GFI1B: variants seen among roughly 807,000 people sequenced by gnomAD.
GFI1B encodes the protein growth factor independent 1B transcriptional repressor.
GFI1B carries 20 observed loss-of-function variants against 35.3 expected under a neutral mutation model. That is an observed-to-expected ratio of 0.57 (90% CI 0.40 to 0.82). The LOEUF (loss-of-function observed/expected upper bound fraction) is 0.82, where lower values mean the gene tolerates loss of function less well. Ranked by LOEUF, GFI1B falls within the 40% of genes least tolerant of loss-of-function variation. The pLI is 0.00. For synonymous variants in GFI1B, 178 were observed against 177.6 expected (o/e 1.00, Z -0.02); for missense variants, 430 against 446.3 (o/e 0.96, Z 0.33).
rs145131246 is a variant in GFI1B, at chr9:132,962,067, TAC to T, written c.-700-10634_-700-10633del. Among the ~76,000 whole-genome samples the T allele has an allele frequency of 7.0e-3, 1,011 of 143,936 alleles. 6 individuals are homozygous for T. Among genetic ancestry groups the T allele is most frequent in the Non-Finnish European group, 0.01 (683 of 66,114 alleles). The allele number at this position is 143,936 out of a possible 152,430, so 94.4% of individuals were successfully genotyped here. On this transcript the variant is annotated intron_variant, in intron 1 of 10. Coordinates refer to the GFI1B transcript ENST00000339463. ...GCATCTTCCCTACACACCTACACTCTACACACACACACACACACACACACAAC... is the reference window on the plus strand; with the variant it reads ...GCATCTTCCCTACACACCTACACTCTACACACACACACACACACACACAAC...
chr9:132,970,444 C>T (rs912993029), intron 1 of GFI1B, among the ~76,000 whole-genome samples: 2 of 152,100 alleles, frequency 1.3e-5, no homozygotes, highest in African/African-American at 4.8e-5. Flanking sequence ...CACGCATGCA[C>T]GCACGCACGC....
At chr9:132,963,436 C>T (rs541813900) in intron 1 of GFI1B, among the ~76,000 whole-genome samples, 1 of 152,080 alleles carries the variant, frequency 6.6e-6, no homozygotes, top group African/African-American at 2.4e-5. Flanking sequence ...GCTAAAATCA[C>T]GCCAGATGCA....
At chr9:132,984,399 G>A (rs1248623330) in intron 1 of GFI1B, among the ~76,000 whole-genome samples, 1 of 152,142 alleles carries the variant, frequency 6.6e-6, no homozygotes, top group Non-Finnish European at 1.5e-5. Context: ...GGCTGCCCCC[G>A]GCCCGAGCCT....
At chr9:132,945,749 G>A (rs1054583880) in intron 1 of GFI1B, 6 of 151,356 alleles carry the variant, frequency 4.0e-5, no homozygotes, top group Non-Finnish European at 5.9e-5. Context: ...CATTAAAACC[G>A]CGATGACTTT....
Position 132,989,687 on chromosome 9 carries a change from C to T in GFI1B, c.649-55C>T, listed in dbSNP as rs1009272733. On this transcript the variant is annotated intron_variant, in intron 5 of 6. Coordinates refer to ENST00000372122, the MANE Select transcript of GFI1B (RefSeq NM_001377304.1). This position sits in a 1 kb window ranked among gnomAD's most constrained non-coding sequence, Gnocchi z 6.2. The stretch of plus-strand genomic sequence containing the variant: ...GTCCTGTTCCGCAGGGGATCCCGGC[C>T]GGGTCCAGTCCTGAGCCTGCACCTG... 7.4e-5 allele frequency: 110 copies of T among 1,486,878 alleles called. No individual in the cohort carries two copies. Among genetic ancestry groups the T allele is most frequent in the Middle Eastern group, 4.3e-4 (2 of 4,690 alleles). The allele number at this position is 1,486,878 out of a possible 1,614,324, so 92.1% of individuals were successfully genotyped here.
intron 1 of GFI1B, among the ~76,000 whole-genome samples, chr9:132,955,026 T>G (rs551942462): frequency 6.6e-6 from 1 of 152,314 alleles, no homozygotes; most frequent in African/African-American, 2.4e-5. Context: ...CAAATATTTT[T>G]TAAAGAAACA....
intron 1 of GFI1B, among the ~76,000 whole-genome samples, chr9:132,966,355 T>C (rs1367990602): frequency 6.8e-6 from 1 of 147,350 alleles, no homozygotes; most frequent in Non-Finnish European, 1.5e-5. Flanking sequence ...TGAGATCCTA[T>C]CTCAAAAAGA....
upstream of GFI1B, among the ~76,000 whole-genome samples, chr9:132,974,494 C>T (rs935536558): frequency 4.1e-5 from 6 of 145,210 alleles, no homozygotes; most frequent in South Asian, 6.7e-4. Context: ...CCCAGCTACT[C>T]GGGAGGCTGA....
intron 1 of GFI1B, among the ~76,000 whole-genome samples, chr9:132,985,825 T>A (rs1339398396): frequency 1.3e-5 from 2 of 152,202 alleles, no homozygotes; most frequent in Non-Finnish European, 2.9e-5. Flanking sequence ...CACGAACCAC[T>A]GATTCCAAAA....
chr9:132,987,171 C>A, intron 2 of GFI1B, 111 bp from the exon 3 acceptor site: 1 of 1,195,932 alleles, frequency 8.4e-7, no homozygotes, highest in Non-Finnish European at 1.2e-6. Context: ...AGCAGCGGCA[C>A]GTGGCTGTCT....
In GFI1B at chr9:132,960,968, C is replaced by T. The variant is rs147062975; in HGVS notation, c.-700-11757C>T. Among the ~76,000 whole-genome samples, 967 of 152,196 alleles carry T rather than the reference C, an allele frequency of 6.4e-3. 9 individuals carry two copies. Among genetic ancestry groups the T allele is most frequent in the African/African-American group, 0.019 (800 of 41,518 alleles). ...TCATGGTCACCGTGAGACCATTTCTCAGTCCCCCAAGCAGCAGCATTCACA... is the reference window on the plus strand; with the variant it reads ...TCATGGTCACCGTGAGACCATTTCTTAGTCCCCCAAGCAGCAGCATTCACA... On this transcript the variant is annotated intron_variant, in intron 1 of 10. Transcript: ENST00000339463.
At chr9:132,984,375 G>T (rs1204579638) in intron 1 of GFI1B, among the ~76,000 whole-genome samples, 2 of 152,152 alleles carry the variant, frequency 1.3e-5, no homozygotes, top group Non-Finnish European at 2.9e-5. Context: ...GTGTCCCTGG[G>T]AGATAAGGCC....
upstream of GFI1B, among the ~76,000 whole-genome samples, chr9:132,974,154 A>C (rs11243965): frequency 1.3e-5 from 2 of 151,944 alleles, no homozygotes; most frequent in Non-Finnish European, 2.9e-5. Context: ...TCATTTATTC[A>C]CTCTGTGAAG....
intron 1 of GFI1B, among the ~76,000 whole-genome samples, chr9:132,967,855 C>T (rs1348361910): frequency 2.0e-5 from 3 of 152,122 alleles, no homozygotes; most frequent in African/African-American, 4.8e-5. Flanking sequence ...AATCTTGGCT[C>T]ACTGTAACCT....
chr9:132,988,531 T>C, intron 4 of GFI1B, 63 bp downstream of exon 4: 1 of 1,463,788 alleles, frequency 6.8e-7, no homozygotes, highest in Non-Finnish European at 9.5e-7. Flanking sequence ...CTCAACTCAC[T>C]GGCAGCTCTG....
chr9:132,952,981 A>G (rs1848225308), intron 1 of GFI1B: 1 of 152,234 alleles, frequency 6.6e-6, no homozygotes, highest in Non-Finnish European at 1.5e-5. Flanking sequence ...ATTTTTAAAA[A>G]TACTTGTTGA....
intron 1 of GFI1B, chr9:132,962,390 C>T (rs758906500): frequency 1.1e-4 from 29 of 265,014 alleles, no homozygotes; most frequent in Non-Finnish European, 1.8e-4. Flanking sequence ...CCGCTCACCT[C>T]AGCCTTCCAG....
chr9:132,970,589 A>C (rs571611827), intron 1 of GFI1B, among the ~76,000 whole-genome samples: 2 of 152,196 alleles, frequency 1.3e-5, no homozygotes, highest in Non-Finnish European at 2.9e-5. Context: ...CTAGTGGATC[A>C]GGCAGATTGC....
chr9:132,982,493 G>A (rs58736363), intron 1 of GFI1B, among the ~76,000 whole-genome samples: 157 of 152,276 alleles, frequency 1.0e-3, no homozygotes, highest in African/African-American at 3.7e-3. Context: ...GGGTCAGGGG[G>A]ACTCTATCAG....
Sources: gnomAD v4.1 joint callset for allele counts (sites outside exome capture counted in the v4.1 genomes callset) on GRCh38, gnomAD v4.1.1 for gene constraint, Gnocchi (gnomAD v3.1) non-coding constraint, MANE v1.5 for transcripts, NCBI Gene and HGNC (gene_info 2026-07-23, HGNC 2026-07-21) for gene names.